Variants in IL15 observed in about 807,000 individuals in gnomAD.
IL15 encodes the protein interleukin-15.
In IL15, 11 loss-of-function variants were observed where a neutral mutation model predicts 19.6. The ratio of observed to expected loss-of-function variants is 0.56; its 90% CI spans 0.35 to 0.93. The LOEUF is 0.93. Among genes scored for constraint, IL15 ranks in the 40% least tolerant of loss-of-function variants. IL15 has a pLI of 0.01. For synonymous variants in IL15, 58 were observed against 59.6 expected (o/e 0.97, Z 0.12); for missense variants, 197 against 186.5 (o/e 1.06, Z -0.33).
rs148299136 is a variant in IL15 at position 141,725,784 on chromosome 4, A to G, written c.196-2156A>G. Among the ~76,000 whole-genome samples the G allele has an allele frequency of 2.9e-4, 44 of 152,280 alleles. No homozygotes were observed. The East Asian group carries it at 5.4e-3, about 19-fold the overall frequency. ...TCTTCTCTCACCACTTTTACTCAACATAATTGTCTGAGTTTTCTGTTGCTT... is the reference window on the plus strand; with the variant it reads ...TCTTCTCTCACCACTTTTACTCAACGTAATTGTCTGAGTTTTCTGTTGCTT... On this transcript the variant is annotated intron_variant, in intron 5 of 7. Transcript: ENST00000320650.
intron 2 of IL15, among the ~76,000 whole-genome samples, chr4:141,670,121 T>G (rs752463189): frequency 4.0e-5 from 6 of 151,700 alleles, no homozygotes; most frequent in Non-Finnish European, 5.9e-5. Context: ...ATTAATAAAA[T>G]TTTTCAAATG....
chr4:141,649,006 A>G (rs1022712247), intron 1 of IL15, among the ~76,000 whole-genome samples: 1 of 152,136 alleles, frequency 6.6e-6, no homozygotes, highest in Non-Finnish European at 1.5e-5. Context: ...GTCTCGTGGA[A>G]CAATTATTGT....
At chr4:141,659,141 C>T (rs1396645188) in intron 2 of IL15, among the ~76,000 whole-genome samples, 1 of 149,664 alleles carries the variant, frequency 6.7e-6, no homozygotes, top group Non-Finnish European at 1.5e-5. Context: ...GAGCCACTGT[C>T]CCCGGCCTGT....
At chr4:141,659,912 TA>T (rs1446443120) in intron 2 of IL15, among the ~76,000 whole-genome samples, 1 of 152,168 alleles carries the variant, frequency 6.6e-6, no homozygotes, top group Non-Finnish European at 1.5e-5. Context: ...TTGGGATACT[TA>T]AAAACAGGTA....
chr4:141,721,138 C>T (rs1183130450), intron 4 of IL15: 3 of 1,485,236 alleles, frequency 2.0e-6, no homozygotes, highest in South Asian at 2.3e-5. Context: ...TTTTACTCTA[C>T]TAATGCCTTC....
At chr4:141,691,676 C>T (rs967891049) in intron 2 of IL15, among the ~76,000 whole-genome samples, 3 of 152,202 alleles carry the variant, frequency 2.0e-5, no homozygotes, top group Non-Finnish European at 4.4e-5. Context: ...TCTCCTTTGA[C>T]TCCATGTCTC....
intron 2 of IL15, among the ~76,000 whole-genome samples, chr4:141,701,363 G>A (rs1027114482): frequency 5.9e-5 from 9 of 151,440 alleles, no homozygotes; most frequent in African/African-American, 2.2e-4. Context: ...TTAATTCTTG[G>A]TGCTTTTAGG....
At chr4:141,718,730 T>C (rs1729975930) in intron 2 of IL15, 1 of 152,168 alleles carries the variant, frequency 6.6e-6, no homozygotes, top group African/African-American at 2.4e-5. Flanking sequence ...TTGTGGCAGA[T>C]TTTGGTTTTT....
intron 2 of IL15, among the ~76,000 whole-genome samples, chr4:141,657,426 TTTAGA>T (rs1179410314): frequency 2.0e-5 from 3 of 151,932 alleles, no homozygotes; most frequent in African/African-American, 2.4e-5. Context: ...ATAAATTAAC[TTTAGA>T]TTATTATAAT....
intron 1 of IL15, among the ~76,000 whole-genome samples, chr4:141,642,464 C>G (rs1453963387): frequency 6.6e-6 from 1 of 152,216 alleles, no homozygotes; most frequent in Non-Finnish European, 1.5e-5. Flanking sequence ...CACACCCTCC[C>G]TTTGGCTTCT....
At chr4:141,684,838 C>A (rs974876360) in intron 2 of IL15, among the ~76,000 whole-genome samples, 9 of 152,124 alleles carry the variant, frequency 5.9e-5, no homozygotes, top group African/African-American at 1.9e-4. Context: ...GCTGTCCTCA[C>A]CTAAACATGA....
rs1385639106 is a variant in IL15 at position 141,721,908 on chromosome 4, A to G, written c.111-16A>G. ...AGGCTCCTTCAAAATGCTTTGCTCT[A>G]TGGTTTTTCTTTCAGCTGTTTCAGT... On this transcript the variant is annotated splice_polypyrimidine_tract_variant and intron_variant, in intron 4 of 7. Transcript: ENST00000320650. 6.4e-6 allele frequency: 10 copies of G among 1,573,740 alleles called. No homozygotes were observed. Among genetic ancestry groups the G allele is most frequent in the African/African-American group, 1.4e-5 (1 of 73,884 alleles).
chr4:141,675,491 C>G (rs1324474129), intron 2 of IL15, among the ~76,000 whole-genome samples: 1 of 152,156 alleles, frequency 6.6e-6, no homozygotes, highest in Non-Finnish European at 1.5e-5. Flanking sequence ...CCTGTGTGAG[C>G]AGCTCATCTC....
chr4:141,642,611 C>T (rs544801645), intron 1 of IL15, among the ~76,000 whole-genome samples: 3 of 152,284 alleles, frequency 2.0e-5, no homozygotes, highest in Non-Finnish European at 2.9e-5. Flanking sequence ...CTTGGATAGC[C>T]TCTGCAGTGC....
rs1037697105 is a variant in IL15, at chr4:141,658,634, A to C, written c.-100+2327A>C. On this transcript the variant is annotated intron_variant, in intron 2 of 7. Coordinates refer to ENST00000320650, the MANE Select transcript of IL15 (RefSeq NM_000585.5). ...ATTCTGTAGCATGTATACTAGATCAAGATAAACAGTAGAATAAGTAAAGGA... is the reference window on the plus strand; with the variant it reads ...ATTCTGTAGCATGTATACTAGATCACGATAAACAGTAGAATAAGTAAAGGA... Among the ~76,000 whole-genome samples, 4 of 152,002 alleles carry C rather than the reference A, an allele frequency of 2.6e-5. No homozygotes were observed. In the South Asian group the frequency reaches 8.3e-4, roughly 32 times the overall value.
At chr4:141,656,409 T>C (rs1727600581) in intron 2 of IL15, 102 bp downstream of exon 2, 1 of 394,894 alleles carries the variant, frequency 2.5e-6, no homozygotes, top group East Asian at 3.6e-5. Context: ...AAGTTATATA[T>C]ACTCACAGCT....
intron 2 of IL15, among the ~76,000 whole-genome samples, chr4:141,684,108 G>C (rs1384587160): frequency 6.6e-6 from 1 of 152,158 alleles, no homozygotes; most frequent in African/African-American, 2.4e-5. Flanking sequence ...TTCATGCTAT[G>C]ACCTCAACTA....
At chr4:141,684,956 T>C (rs901085469) in intron 2 of IL15, among the ~76,000 whole-genome samples, 6 of 143,986 alleles carry the variant, frequency 4.2e-5, no homozygotes, top group African/African-American at 1.5e-4. Flanking sequence ...TGATTATGTC[T>C]TTTTTTTTTT....
chr4:141,731,774 C>T (rs1214997833), intron 7 of IL15, among the ~76,000 whole-genome samples: 3 of 152,162 alleles, frequency 2.0e-5, no homozygotes, highest in African/African-American at 4.8e-5. Context: ...TGATAAATGT[C>T]GCTGATTCTG....
Sources: gnomAD v4.1 joint callset for allele counts (sites outside exome capture counted in the v4.1 genomes callset) on GRCh38, gnomAD v4.1.1 for gene constraint, MANE v1.5 for transcripts, NCBI Gene and HGNC (gene_info 2026-07-23, HGNC 2026-07-21) for gene names.